Variants in DCDC2 observed in about 807,000 individuals in gnomAD.
DCDC2 encodes the protein doublecortin domain-containing protein 2.
A neutral mutation model predicts 50.2 loss-of-function variants in DCDC2; 40 were observed. That is an observed-to-expected ratio of 0.80 (90% CI 0.62 to 1.04). The LOEUF (loss-of-function observed/expected upper bound fraction) is 1.04. Ranked by LOEUF, DCDC2 falls within the 50% of genes least tolerant of loss-of-function variation. The pLI is 0.00. For missense variants in DCDC2, 570 were observed against 581.9 expected (o/e 0.98, Z 0.21); for synonymous variants, 234 against 210.6 (o/e 1.11, Z -0.96).
chr6:24,336,036 T>C (rs1760052584), intron 2 of DCDC2, among the ~76,000 whole-genome samples: 1 of 152,148 alleles, frequency 6.6e-6, no homozygotes, highest in Non-Finnish European at 1.5e-5. Context: ...AATCATGCCA[T>C]CAACAGCAAC....
the DCDC2 span, among the ~76,000 whole-genome samples, chr6:24,368,848 A>G: frequency 1.3e-5 from 2 of 152,230 alleles, no homozygotes; most frequent in African/African-American, 2.4e-5. Flanking sequence ...AATACTAGAA[A>G]ATAATAGAAT....
chr6:24,359,480 T>TAG (rs1554121895), upstream of DCDC2, among the ~76,000 whole-genome samples: 1 of 6,526 alleles, frequency 1.5e-4, no homozygotes, highest in South Asian at 0.024. Context: ...AATATATATT[T>TAG]TATATATAAT....
chr6:24,340,571 A>G (rs1760136365), intron 2 of DCDC2, among the ~76,000 whole-genome samples: 1 of 152,166 alleles, frequency 6.6e-6, no homozygotes, highest in Admixed American at 6.6e-5. Context: ...ACTAGCATGG[A>G]AGATCTAAAA....
intron 7 of DCDC2, among the ~76,000 whole-genome samples, chr6:24,207,306 C>G (rs777547190): frequency 1.4e-4 from 20 of 147,592 alleles, no homozygotes; most frequent in South Asian, 6.3e-4. Flanking sequence ...CACACACACA[C>G]AGACACATGC....
At chr6:24,258,721 A>C (rs62400398) in intron 7 of DCDC2, among the ~76,000 whole-genome samples, 7,094 of 152,228 alleles carry the variant, frequency 0.047, 178 homozygotes, top group African/African-American at 0.063. Context: ...TAGAGGTCAC[A>C]CACATAACTC....
chr6:24,375,426 C>G, the DCDC2 span, among the ~76,000 whole-genome samples: 6 of 152,122 alleles, frequency 3.9e-5, no homozygotes, highest in East Asian at 1.9e-4. Context: ...AACTCCCCCC[C>G]CCAACCCCGC....
Position 24,178,774 on chromosome 6 carries a change from C to T in DCDC2, c.1024-142G>A, listed in dbSNP as rs965721038. On this transcript the variant is annotated intron_variant, in intron 8 of 9. Transcript: ENST00000378454. ...ATAGTACTTTACAGTATAGAACGCACTTACGTTTACTGAGTACCTACCACA... is the reference window on the plus strand; with the variant it reads ...ATAGTACTTTACAGTATAGAACGCATTTACGTTTACTGAGTACCTACCACA... 1.5e-5 allele frequency: 11 copies of T among 738,144 alleles called. No homozygotes were observed. The Middle Eastern group carries it at 1.1e-3, about 76-fold the overall frequency. The allele number at this position is 738,144 out of a possible 1,614,324, so 45.7% of individuals were successfully genotyped here. A position where few individuals can be genotyped will look rare whatever the true frequency, so the allele number is the denominator to read the frequency against.
Position 24,336,919 on chromosome 6 carries a change from T to C in DCDC2, c.348+16650A>G, listed in dbSNP as rs1005258650. Among the ~76,000 whole-genome samples, 27 of 152,184 alleles carry C rather than the reference T, an allele frequency of 1.8e-4. 1 individual carries two copies. The highest frequency in any genetic ancestry group is 1.9e-4 in the East Asian group (1 of 5,196). On this transcript the variant is annotated intron_variant, in intron 2 of 9. Coordinates refer to ENST00000378454, the MANE Select transcript of DCDC2 (RefSeq NM_016356.5). ...ACCTATATGTTTCTAATCCTCACAA[T>C]AATTTTTAAAAGATAGTAGTATTAT...
At chr6:24,176,785 T>C (rs55819936) in intron 9 of DCDC2, among the ~76,000 whole-genome samples, 153 of 152,356 alleles carry the variant, frequency 1.0e-3, no homozygotes, top group African/African-American at 3.5e-3. Flanking sequence ...ACTCAGTCCC[T>C]GGTAACCACC....
chr6:24,342,745 C>T (rs1038704322), intron 2 of DCDC2, among the ~76,000 whole-genome samples: 1 of 151,728 alleles, frequency 6.6e-6, no homozygotes. Context: ...CCAATCTTCA[C>T]ACAATATCTT....
intron 7 of DCDC2, among the ~76,000 whole-genome samples, chr6:24,217,529 G>A (rs76049975): frequency 0.026 from 4,021 of 152,242 alleles, 92 homozygotes; most frequent in African/African-American, 0.058. Flanking sequence ...AGTGGTTTAC[G>A]GTGTAAATGT....
At chr6:24,260,881 A>G (rs1402678206) in intron 7 of DCDC2, among the ~76,000 whole-genome samples, 1 of 152,232 alleles carries the variant, frequency 6.6e-6, no homozygotes, top group Non-Finnish European at 1.5e-5. Context: ...TCCCAGAACA[A>G]TGACAGCCCA....
intron 2 of DCDC2, among the ~76,000 whole-genome samples, chr6:24,320,439 C>T (rs2113851320): frequency 6.6e-6 from 1 of 152,306 alleles, no homozygotes; most frequent in African/African-American, 2.4e-5. Context: ...TCGAGCAATT[C>T]TACTGCCTCA....
At chr6:24,316,388 A>G (rs554956630) in intron 2 of DCDC2, among the ~76,000 whole-genome samples, 1 of 152,262 alleles carries the variant, frequency 6.6e-6, no homozygotes, top group South Asian at 2.1e-4. Flanking sequence ...AGGAGAGTGC[A>G]ATGGTAAGGG....
At chr6:24,297,865 G>A (rs758797958) in intron 4 of DCDC2, among the ~76,000 whole-genome samples, 31 of 152,222 alleles carry the variant, frequency 2.0e-4, no homozygotes, top group Middle Eastern at 3.4e-3. Flanking sequence ...GTCATAAAAC[G>A]TAGTGATTAT....
At chr6:24,276,352 T>C (rs191318643) in intron 7 of DCDC2, among the ~76,000 whole-genome samples, 120 of 151,904 alleles carry the variant, frequency 7.9e-4, no homozygotes, top group Admixed American at 2.6e-3. Flanking sequence ...GATTGGGATT[T>C]TCATAGGCTA....
At chr6:24,294,604 AT>A (rs1314191010) in intron 4 of DCDC2, among the ~76,000 whole-genome samples, 1 of 152,070 alleles carries the variant, frequency 6.6e-6, no homozygotes, top group Non-Finnish European at 1.5e-5. Context: ...AAGAGAGAAG[AT>A]CCAAATGAAC....
At chr6:24,282,722 G>A (rs1763505284) in intron 6 of DCDC2, among the ~76,000 whole-genome samples, 1 of 140,676 alleles carries the variant, frequency 7.1e-6, no homozygotes, top group Non-Finnish European at 1.5e-5. Flanking sequence ...TCAGTGAGCA[G>A]CCTTCACGAT....
chr6:24,274,305 C>T (rs1465414849), intron 7 of DCDC2, among the ~76,000 whole-genome samples: 1 of 152,076 alleles, frequency 6.6e-6, no homozygotes. Context: ...AATGCTATTT[C>T]AAAACAATCA....
Sources: allele counts gnomAD v4.1 joint callset (sites outside exome capture counted in the v4.1 genomes callset), GRCh38; gene constraint gnomAD v4.1.1; transcripts MANE v1.5; gene names NCBI Gene and HGNC (gene_info 2026-07-23, HGNC 2026-07-21).